Variants in SH3GL3 observed in about 807,000 individuals in gnomAD.
SH3GL3 encodes the protein SH3 domain containing GRB2 like 3, endophilin A3.
A neutral mutation model predicts 47.7 loss-of-function variants in SH3GL3; 33 were observed. That is an observed-to-expected ratio of 0.69 (90% confidence interval 0.52 to 0.92). The LOEUF is 0.92. Ranked by LOEUF, SH3GL3 falls within the 40% of genes least tolerant of loss-of-function variation. The pLI, the probability that SH3GL3 is intolerant of heterozygous loss-of-function variation, is 0.00. For missense variants in SH3GL3, 363 were observed against 417.8 expected (o/e 0.87, Z 1.14); for synonymous variants, 155 against 148.8 (o/e 1.04, Z -0.30).
intron 1 of SH3GL3, among the ~76,000 whole-genome samples, chr15:83,471,875 G>C (rs1596043944): frequency 6.6e-6 from 1 of 151,782 alleles, no homozygotes; most frequent in Non-Finnish European, 1.5e-5. Flanking sequence ...TCTTGGTGTG[G>C]ATTTCTTTTC....
At chr15:83,517,195 CTTTTCTTTTCTTTT>C (rs2043016887) in intron 1 of SH3GL3, among the ~76,000 whole-genome samples, 1 of 128,402 alleles carries the variant, frequency 7.8e-6, no homozygotes. Flanking sequence ...TTTTCTTTTT[CTTTTCTTTTCTTTT>C]TTTTTTTTTT....
intron 1 of SH3GL3, among the ~76,000 whole-genome samples, chr15:83,504,299 A>G (rs1442117359): frequency 6.6e-6 from 1 of 152,166 alleles, no homozygotes; most frequent in East Asian, 1.9e-4. Flanking sequence ...TTCCTTCCTG[A>G]TACAATCTAT....
chr15:83,600,449 C>T (rs562874898), intron 8 of SH3GL3, among the ~76,000 whole-genome samples: 1 of 152,166 alleles, frequency 6.6e-6, no homozygotes, highest in East Asian at 1.9e-4. Context: ...AATAGGGTGT[C>T]CTTTCCCCAC....
chr15:83,579,305 T>C (rs1005807994), intron 6 of SH3GL3, among the ~76,000 whole-genome samples: 2 of 152,142 alleles, frequency 1.3e-5, no homozygotes, highest in African/African-American at 4.8e-5. Flanking sequence ...CTGTGGGAAA[T>C]TGACCTGCAG....
chr15:83,555,380 T>C (rs995660082), intron 1 of SH3GL3, among the ~76,000 whole-genome samples: 1 of 152,238 alleles, frequency 6.6e-6, no homozygotes, highest in African/African-American at 2.4e-5. Context: ...GTTATGTGAT[T>C]TTGTCGGCTC....
chr15:83,528,573 A>C (rs2043526016), intron 1 of SH3GL3, among the ~76,000 whole-genome samples: 2 of 152,098 alleles, frequency 1.3e-5, no homozygotes, highest in Non-Finnish European at 2.9e-5. Context: ...TCGTATGCTT[A>C]ATCTAGTCTA....
intron 8 of SH3GL3, 148 bp downstream of exon 8, chr15:83,588,919 C>G: frequency 1.7e-6 from 1 of 600,580 alleles, no homozygotes; most frequent in South Asian, 2.0e-5. Context: ...TTCCCCTAAA[C>G]GTGCCCCTTT....
At chr15:83,539,275 C>T (rs2044054374) in intron 1 of SH3GL3, among the ~76,000 whole-genome samples, 1 of 152,148 alleles carries the variant, frequency 6.6e-6, no homozygotes, top group Non-Finnish European at 1.5e-5. Context: ...ACTACCAGAT[C>T]TGGTGTCTGA....
At chr15:83,631,610 A>T in the SH3GL3 span, among the ~76,000 whole-genome samples, 1 of 152,178 alleles carries the variant, frequency 6.6e-6, no homozygotes, top group Non-Finnish European at 1.5e-5. Flanking sequence ...CTCTGAAGCA[A>T]CACCCTGAGC....
At chr15:83,541,459 G>T (rs1205820766) in intron 1 of SH3GL3, among the ~76,000 whole-genome samples, 3 of 150,122 alleles carry the variant, frequency 2.0e-5, no homozygotes, top group African/African-American at 7.3e-5. Context: ...TCAGCCTCCC[G>T]AGTAGCTGGG....
intron 1 of SH3GL3, among the ~76,000 whole-genome samples, chr15:83,528,598 G>A (rs970522103): frequency 6.6e-6 from 1 of 151,928 alleles, no homozygotes; most frequent in Non-Finnish European, 1.5e-5. Context: ...TGAACCTCTT[G>A]AATAAATTTT....
intron 1 of SH3GL3, among the ~76,000 whole-genome samples, chr15:83,506,636 A>T (rs2151619078): frequency 6.6e-6 from 1 of 152,294 alleles, no homozygotes; most frequent in East Asian, 1.9e-4. Flanking sequence ...ACTTGTTAGA[A>T]ATTAGTGTTC....
At chr15:83,465,023 T>A (rs199884591) in intron 1 of SH3GL3, among the ~76,000 whole-genome samples, 3 of 137,904 alleles carry the variant, frequency 2.2e-5, no homozygotes, top group African/African-American at 7.8e-5. Context: ...ATAATAATAA[T>A]AACAGCAATA....
chr15:83,493,195 C>T (rs2041946648), intron 1 of SH3GL3, among the ~76,000 whole-genome samples: 1 of 151,892 alleles, frequency 6.6e-6, no homozygotes, highest in South Asian at 2.1e-4. Flanking sequence ...TGAGATGATA[C>T]GATGTCTGTG....
At chr15:83,623,819 C>T in the SH3GL3 span, among the ~76,000 whole-genome samples, 1 of 152,016 alleles carries the variant, frequency 6.6e-6, no homozygotes, top group East Asian at 1.9e-4. Flanking sequence ...GAGTTTTGAT[C>T]TTGTCACCCA....
At chr15:83,580,040 G>A (rs2059791359) in intron 6 of SH3GL3, among the ~76,000 whole-genome samples, 2 of 152,198 alleles carry the variant, frequency 1.3e-5, no homozygotes, top group South Asian at 4.1e-4. Flanking sequence ...GGTTGATGGG[G>A]CATACATTGA....
chr15:83,470,074 A>C (rs1596040000), intron 1 of SH3GL3, among the ~76,000 whole-genome samples: 2 of 152,076 alleles, frequency 1.3e-5, no homozygotes, highest in East Asian at 3.9e-4. Context: ...GTCTCTGATA[A>C]TTTTCTTTCC....
intron 1 of SH3GL3, among the ~76,000 whole-genome samples, chr15:83,473,812 G>T (rs2040962804): frequency 6.6e-6 from 1 of 150,876 alleles, no homozygotes; most frequent in Non-Finnish European, 1.5e-5. Context: ...CTCCCAAAGT[G>T]CTGGGATTAC....
intron 3 of SH3GL3, among the ~76,000 whole-genome samples, chr15:83,567,856 G>A (rs748573722): frequency 2.6e-5 from 4 of 152,116 alleles, no homozygotes; most frequent in Admixed American, 2.0e-4. Flanking sequence ...CTGACTTCAC[G>A]TGTCAGCAAC....
Sources: gnomAD v4.1 joint callset for allele counts (sites outside exome capture counted in the v4.1 genomes callset) on GRCh38, gnomAD v4.1.1 for gene constraint, MANE v1.5 for transcripts, NCBI Gene and HGNC (gene_info 2026-07-23, HGNC 2026-07-21) for gene names.